LRBA: variants seen among roughly 807,000 people sequenced by gnomAD.
LRBA encodes lipopolysaccharide-responsive and beige-like anchor protein.
In LRBA, 176 loss-of-function variants were observed where a neutral mutation model predicts 330.0. The observed-to-expected ratio is 0.53, with a 90% CI of 0.47 to 0.60. The LOEUF is 0.60. LRBA is among the 20% of genes least tolerant of loss of function. The pLI, the probability that LRBA is intolerant of heterozygous loss-of-function variation, is 0.00. For missense variants in LRBA, 3,259 were observed against 3,444.8 expected, an observed-to-expected ratio of 0.95 and a Z score of 1.35; for synonymous variants, 1,230 against 1,193.0, an observed-to-expected ratio of 1.03 and a Z score of -0.64.
intron 2 of LRBA, among the ~76,000 whole-genome samples, chr4:150,955,774 C>T (rs1376325873): frequency 3.4e-5 from 5 of 148,228 alleles, no homozygotes. Flanking sequence ...CGCCTGTAAT[C>T]CCAGCTACTT....
At chr4:150,504,100 C>T (rs1371891651) in intron 40 of LRBA, among the ~76,000 whole-genome samples, 1 of 152,070 alleles carries the variant, frequency 6.6e-6, no homozygotes, top group African/African-American at 2.4e-5. Flanking sequence ...TGTGAAAAGA[C>T]CAAATCTACA....
intron 37 of LRBA, among the ~76,000 whole-genome samples, chr4:150,673,763 A>G (rs891767658): frequency 4.6e-5 from 7 of 152,214 alleles, no homozygotes; most frequent in Non-Finnish European, 7.4e-5. Context: ...TCATAAACTT[A>G]GTATTAACAA....
intron 46 of LRBA, among the ~76,000 whole-genome samples, chr4:150,430,095 ACTCT>A (rs996983299): frequency 6.6e-6 from 1 of 151,038 alleles, no homozygotes; most frequent in African/African-American, 2.4e-5. Context: ...TTAATCTTTC[ACTCT>A]CTCTCTCTCA....
intron 2 of LRBA, among the ~76,000 whole-genome samples, chr4:150,942,196 C>T (rs1257891912): frequency 1.3e-5 from 2 of 152,088 alleles, no homozygotes; most frequent in Non-Finnish European, 1.5e-5. Context: ...ATGTTTTCAC[C>T]GAATACAACA....
intron 11 of LRBA, among the ~76,000 whole-genome samples, chr4:150,907,486 A>C (rs1327370544): frequency 6.6e-6 from 1 of 152,144 alleles, no homozygotes; most frequent in South Asian, 2.1e-4. Flanking sequence ...AAGTTGACAA[A>C]TACTAGATTT....
intron 37 of LRBA, among the ~76,000 whole-genome samples, chr4:150,652,208 G>A (rs9995612): frequency 0.87 from 132,996 of 152,008 alleles, 59,099 homozygotes; most frequent in Non-Finnish European, 0.95. Context: ...CCAATATTCA[G>A]TTTCCCTCAA....
chr4:150,887,925 G>A lies in LRBA; in HGVS notation c.2165+5127C>T, dbSNP rs927805466. Among the ~76,000 whole-genome samples, 14 of 152,184 alleles carry A rather than the reference G, an allele frequency of 9.2e-5. No individual in the cohort carries two copies. In the East Asian group the frequency reaches 1.5e-3, roughly 17 times the overall value. ...TAGTCCCAGCTACTGAGGAGACTGA[G>A]GCAAGAGAACTGCTTAAGCCCAGGA... On this transcript the variant is annotated intron_variant, in intron 17 of 56. Transcript: ENST00000651943.
intron 46 of LRBA, among the ~76,000 whole-genome samples, chr4:150,427,290 T>C (rs544731708): frequency 5.9e-5 from 9 of 152,146 alleles, no homozygotes; most frequent in African/African-American, 2.2e-4. Context: ...TTAATTTTCC[T>C]GTATAGTATG....
chr4:150,611,391 A>G (rs1024302308), intron 37 of LRBA, among the ~76,000 whole-genome samples: 2 of 152,178 alleles, frequency 1.3e-5, no homozygotes, highest in Non-Finnish European at 2.9e-5. Flanking sequence ...GACCCTCCCA[A>G]CTAGAACTAC....
intron 40 of LRBA, among the ~76,000 whole-genome samples, chr4:150,503,818 A>G (rs1760649406): frequency 1.3e-5 from 2 of 152,178 alleles, no homozygotes; most frequent in Admixed American, 6.5e-5. Flanking sequence ...AATTCGAACC[A>G]ATGGCAAAGA....
chr4:150,325,847 T>C lies in LRBA; in HGVS notation c.7414A>G (p.Ile2472Val), dbSNP rs769590745. The C allele has an allele frequency of 3.1e-6, 5 of 1,613,316 alleles. No individual in the cohort carries two copies. Among genetic ancestry groups the C allele is most frequent in the Admixed American group, 3.3e-5 (2 of 59,928 alleles). Residue 2472 changes from isoleucine to valine, a missense_variant, in exon 49 of 57, where the codon ATA (isoleucine) becomes GTA (valine). By Grantham distance (29) the Ile-to-Val change is conservative. Coordinates refer to ENST00000651943, the MANE Select transcript of LRBA (RefSeq NM_001364905.1). ...SFGQTPSQLLIEPHPPRGSAM... is the reference protein window; with the variant it reads ...SFGQTPSQLLVEPHPPRGSAM... ...GAACCTCTGGGAGGATGGGGCTCTA[T>C]GAGTAGTTGAGAAGGAGTCTGTCCA... is the stretch of plus-strand genomic sequence containing the variant.
At chr4:150,813,702 T>C (rs1242338632) in intron 31 of LRBA, among the ~76,000 whole-genome samples, 1 of 152,264 alleles carries the variant, frequency 6.6e-6, no homozygotes, top group Non-Finnish European at 1.5e-5. Context: ...CATTTTGATA[T>C]CAAAATTTCC....
intron 40 of LRBA, among the ~76,000 whole-genome samples, chr4:150,532,816 G>GA (rs1265802162): frequency 2.0e-5 from 3 of 151,582 alleles, no homozygotes; most frequent in Admixed American, 6.6e-5. Flanking sequence ...AAAGAAAAAA[G>GA]AAAAAATGAC....
At chr4:150,582,790 T>C (rs1771555714) in intron 40 of LRBA, 3 of 456,530 alleles carry the variant, frequency 6.6e-6, no homozygotes, top group East Asian at 6.5e-5. Context: ...TTTTAGAAAA[T>C]CACCTTTTCT....
At chr4:150,492,355 G>A (rs932132388) in intron 40 of LRBA, among the ~76,000 whole-genome samples, 3 of 152,178 alleles carry the variant, frequency 2.0e-5, no homozygotes, top group South Asian at 4.2e-4. Context: ...ATAATCATGC[G>A]TGCAGTTTTG....
At chr4:150,487,941 A>G (rs112595693) in intron 41 of LRBA, 107 bp from the exon 42 acceptor site, 6 of 509,262 alleles carry the variant, frequency 1.2e-5, no homozygotes, top group African/African-American at 1.9e-5. Flanking sequence ...TATCTATTAA[A>G]TACAATTCTT....
intron 35 of LRBA, among the ~76,000 whole-genome samples, chr4:150,745,729 T>A (rs1217577449): frequency 2.6e-5 from 4 of 152,158 alleles, no homozygotes; most frequent in Admixed American, 2.0e-4. Context: ...TTGGCCAGGA[T>A]GTTCTCGATC....
At chr4:150,274,672 C>G (rs748830662) in intron 56 of LRBA, among the ~76,000 whole-genome samples, 1 of 152,140 alleles carries the variant, frequency 6.6e-6, no homozygotes, top group Non-Finnish European at 1.5e-5. Flanking sequence ...AACACCTCTA[C>G]GCAAATAAAC....
At chr4:150,571,184 CT>C (rs892568884) in intron 40 of LRBA, among the ~76,000 whole-genome samples, 25 of 148,780 alleles carry the variant, frequency 1.7e-4, no homozygotes, top group East Asian at 1.6e-3. Flanking sequence ...TCTGCAGCTT[CT>C]TTTTTTTTTC....
Sources: gnomAD v4.1 joint callset for allele counts (sites outside exome capture counted in the v4.1 genomes callset) on GRCh38, gnomAD v4.1.1 for gene constraint, MANE v1.5 for transcripts, NCBI Gene and HGNC (gene_info 2026-07-23, HGNC 2026-07-21) for gene names.